The following ITPR2 variants were observed in gnomAD, a reference collection of about 807,000 sequenced individuals.
ITPR2 encodes the protein inositol 1,4,5-trisphosphate-gated calcium channel ITPR2.
In ITPR2, 207 loss-of-function variants were observed where a neutral mutation model predicts 317.1. The ratio of observed to expected loss-of-function variants is 0.65; its 90% CI spans 0.58 to 0.73. The LOEUF is 0.73. Among genes scored for constraint, ITPR2 ranks in the 30% least tolerant of loss-of-function variants. The probability of loss-of-function intolerance (pLI) is 0.00; values close to 1 mark genes in which losing one functional copy is unlikely to be tolerated. For missense variants in ITPR2, 2,613 were observed against 3,284.0 expected (o/e 0.80, Z 4.99); for synonymous variants, 1,156 against 1,149.1 (o/e 1.01, Z -0.12).
chr12:26,720,023 C>A (rs559093886), intron 5 of ITPR2, among the ~76,000 whole-genome samples: 1 of 152,184 alleles, frequency 6.6e-6, no homozygotes, highest in Admixed American at 6.6e-5. Context: ...TATTTATGTT[C>A]TCTGCTCATA....
At chr12:26,569,096 CAA>C (rs1945086873) in intron 34 of ITPR2, among the ~76,000 whole-genome samples, 2 of 152,008 alleles carry the variant, frequency 1.3e-5, no homozygotes, top group Non-Finnish European at 1.5e-5. Context: ...TCCCAAAACA[CAA>C]AGAGACAAAC....
chr12:26,799,915 G>A (rs1950524949), intron 1 of ITPR2, among the ~76,000 whole-genome samples: 1 of 152,176 alleles, frequency 6.6e-6, no homozygotes, highest in Non-Finnish European at 1.5e-5. Context: ...CACCTGCAAA[G>A]AGCCAGAAAA....
intron 21 of ITPR2, among the ~76,000 whole-genome samples, chr12:26,643,640 G>A (rs577913309): frequency 1.3e-5 from 2 of 152,278 alleles, no homozygotes; most frequent in East Asian, 3.9e-4. Flanking sequence ...CATCTTACTG[G>A]AAACTACAGA....
At chr12:26,490,541 A>G (rs1942776586) in intron 39 of ITPR2, among the ~76,000 whole-genome samples, 3 of 152,222 alleles carry the variant, frequency 2.0e-5, no homozygotes, top group Admixed American at 1.3e-4. Context: ...GGCCGGGCGC[A>G]GTGGCTCATG....
intron 1 of ITPR2, among the ~76,000 whole-genome samples, chr12:26,829,529 AC>A (rs1458191894): frequency 6.6e-6 from 1 of 152,066 alleles, no homozygotes; most frequent in African/African-American, 2.4e-5. Context: ...TTTTGTACAG[AC>A]AGGGTCTCCG....
chr12:26,639,655 G>A (rs1463150161), intron 21 of ITPR2, among the ~76,000 whole-genome samples: 1 of 129,732 alleles, frequency 7.7e-6, no homozygotes. Flanking sequence ...AGAGTGTGAT[G>A]TTCCCCTTCC....
chr12:26,641,288 C>A (rs1021481455), intron 21 of ITPR2, among the ~76,000 whole-genome samples: 4 of 151,358 alleles, frequency 2.6e-5, no homozygotes, highest in Non-Finnish European at 5.9e-5. Flanking sequence ...AACTTCCAGC[C>A]AAATCAAAAC....
chr12:26,366,852 C>T (rs1289843946), intron 55 of ITPR2, among the ~76,000 whole-genome samples: 1 of 152,156 alleles, frequency 6.6e-6, no homozygotes, highest in East Asian at 1.9e-4. Flanking sequence ...AACATTAAGA[C>T]TTCCTTTCCA....
At chr12:26,740,016 G>A (rs1949203364) in intron 2 of ITPR2, among the ~76,000 whole-genome samples, 2 of 152,208 alleles carry the variant, frequency 1.3e-5, no homozygotes, top group South Asian at 4.1e-4. Flanking sequence ...ACAGGATCTA[G>A]CTTGACTTCC....
At position 26,513,771 on chromosome 12, in the gene ITPR2, CACACACAT is replaced by C. The variant is rs929137212; in HGVS notation, c.5074-18519_5074-18512del. ...TATCACACACACACACACACACACA[CACACACAT>C]GCAACCCTACATTTTTCCCCCGCCG... On this transcript the variant is annotated intron_variant, in intron 37 of 56. Transcript: ENST00000381340. Among the ~76,000 whole-genome samples, 56 of 151,972 alleles carry C rather than the reference CACACACAT, an allele frequency of 3.7e-4. 1 individual carries two copies. Among genetic ancestry groups the C allele is most frequent in the South Asian group, 2.5e-3 (12 of 4,794 alleles).
At chr12:26,482,879 T>A (rs749302424) in intron 42 of ITPR2, among the ~76,000 whole-genome samples, 1 of 152,362 alleles carries the variant, frequency 6.6e-6, no homozygotes, top group Non-Finnish European at 1.5e-5. Flanking sequence ...CAATCGTTGA[T>A]GTTTGCTCTC....
At chr12:26,572,982 AG>A (rs140344792) in intron 34 of ITPR2, among the ~76,000 whole-genome samples, 65,130 of 151,504 alleles carry the variant, frequency 0.43, 15,093 homozygotes, top group Non-Finnish European at 0.53. Context: ...CGTACTCAAA[AG>A]AAACTTGGAT....
At chr12:26,662,798 T>C (rs912111194) in intron 15 of ITPR2, among the ~76,000 whole-genome samples, 4 of 151,986 alleles carry the variant, frequency 2.6e-5, no homozygotes, top group Non-Finnish European at 5.9e-5. Context: ...TTAGCCTCCT[T>C]AGTAGCTGGA....
At chr12:26,635,029 A>G (rs1440116183) in intron 21 of ITPR2, among the ~76,000 whole-genome samples, 2 of 152,202 alleles carry the variant, frequency 1.3e-5, no homozygotes, top group African/African-American at 4.8e-5. Flanking sequence ...AGACAGGTAT[A>G]GCAAATGCAT....
chr12:26,344,646 C>T lies in ITPR2; in HGVS notation c.7858-4318G>A, dbSNP rs190596793. 5.5e-3 allele frequency among the ~76,000 whole-genome samples: 837 copies of T among 151,238 alleles called. 8 individuals are homozygous for T. Among genetic ancestry groups the T allele is most frequent in the African/African-American group, 0.019 (806 of 41,518 alleles). On this transcript the variant is annotated intron_variant, in intron 55 of 56. Coordinates refer to ENST00000381340, the MANE Select transcript of ITPR2 (RefSeq NM_002223.4). ...CCATTTGAGCCACAGAACTCCCTTTCCCTACACTCTCTTTTTTCATTTGTT... is the reference window on the plus strand; with the variant it reads ...CCATTTGAGCCACAGAACTCCCTTTTCCTACACTCTCTTTTTTCATTTGTT...
At chr12:26,762,948 C>T (rs572345738) in intron 2 of ITPR2, among the ~76,000 whole-genome samples, 121 of 152,166 alleles carry the variant, frequency 8.0e-4, no homozygotes, top group African/African-American at 2.7e-3. Context: ...TGAAGTCACA[C>T]TGCTATCAGC....
chr12:26,384,876 T>C (rs1939621852), intron 55 of ITPR2, among the ~76,000 whole-genome samples: 1 of 152,200 alleles, frequency 6.6e-6, no homozygotes, highest in Non-Finnish European at 1.5e-5. Context: ...TTTTCCTGAA[T>C]GGGGGATCCC....
At chr12:26,794,555 T>C (rs1407971993) in intron 1 of ITPR2, among the ~76,000 whole-genome samples, 4 of 152,316 alleles carry the variant, frequency 2.6e-5, no homozygotes, top group South Asian at 2.1e-4. Flanking sequence ...ACTGAAGCTA[T>C]ATTCCCCGTG....
chr12:26,747,537 A>G (rs1044951440), intron 2 of ITPR2, among the ~76,000 whole-genome samples: 1 of 152,228 alleles, frequency 6.6e-6, no homozygotes, highest in Non-Finnish European at 1.5e-5. Flanking sequence ...ACTCATGCAA[A>G]TGTTATAAAA....
Sources: allele counts gnomAD v4.1 joint callset (sites outside exome capture counted in the v4.1 genomes callset), GRCh38; gene constraint gnomAD v4.1.1; transcripts MANE v1.5; gene names NCBI Gene and HGNC (gene_info 2026-07-23, HGNC 2026-07-21).